PCDH9: variants seen among roughly 807,000 people sequenced by gnomAD.
PCDH9 encodes the protein protocadherin-9.
PCDH9 carries 24 observed loss-of-function variants against 70.6 expected under a neutral mutation model. The ratio of observed to expected loss-of-function variants is 0.34; its 90% CI spans 0.25 to 0.48. The LOEUF is 0.48. Ranked by LOEUF, PCDH9 falls within the 20% of genes least tolerant of loss-of-function variation. The pLI is 0.99. For synonymous variants in PCDH9, 562 were observed against 558.5 expected (o/e 1.01, Z -0.09); for missense variants, 1,281 against 1,503.6 (o/e 0.85, Z 2.45).
intron 2 of PCDH9, among the ~76,000 whole-genome samples, chr13:66,929,907 G>A (rs1019337447): frequency 6.6e-6 from 1 of 152,084 alleles, no homozygotes; most frequent in Non-Finnish European, 1.5e-5. Context: ...GCTCTTCCAA[G>A]CTCTCCAGTG....
At chr13:67,100,408 A>C (rs1479648673) in intron 2 of PCDH9, among the ~76,000 whole-genome samples, 1 of 152,210 alleles carries the variant, frequency 6.6e-6, no homozygotes, top group African/African-American at 2.4e-5. Context: ...CAAACCCTTA[A>C]ACATATGTGT....
chr13:66,923,527 T>C (rs914212292), intron 2 of PCDH9, among the ~76,000 whole-genome samples: 1 of 151,730 alleles, frequency 6.6e-6, no homozygotes, highest in African/African-American at 2.4e-5. Flanking sequence ...TCTATCATCA[T>C]AGGTAACATT....
At chr13:66,937,080 C>T (rs1319209048) in intron 2 of PCDH9, among the ~76,000 whole-genome samples, 2 of 152,132 alleles carry the variant, frequency 1.3e-5, no homozygotes, top group Non-Finnish European at 2.9e-5. Flanking sequence ...TATAATTTTC[C>T]AGTTTTATTA....
chr13:66,606,059 C>G (rs559278412), intron 4 of PCDH9, among the ~76,000 whole-genome samples: 1 of 152,180 alleles, frequency 6.6e-6, no homozygotes, highest in East Asian at 1.9e-4. Context: ...TTGCAGGCAG[C>G]TCTTTTAGCT....
chr13:66,803,496 C>A (rs953633639), intron 3 of PCDH9, among the ~76,000 whole-genome samples: 16 of 152,142 alleles, frequency 1.1e-4, no homozygotes, highest in Non-Finnish European at 1.9e-4. Context: ...CCAGTAGAGA[C>A]CACCTAACTC....
intron 4 of PCDH9, among the ~76,000 whole-genome samples, chr13:66,568,977 T>C (rs2076693252): frequency 6.7e-6 from 1 of 149,728 alleles, no homozygotes; most frequent in Non-Finnish European, 1.5e-5. Flanking sequence ...ATTAACCTTC[T>C]GTTCTTGGAA....
intron 2 of PCDH9, among the ~76,000 whole-genome samples, chr13:66,905,857 C>G (rs2082351515): frequency 6.6e-6 from 1 of 152,144 alleles, no homozygotes. Flanking sequence ...GTGCCATTTG[C>G]TGAAGGATTT....
At chr13:66,915,779 C>T (rs1214219306) in intron 2 of PCDH9, among the ~76,000 whole-genome samples, 1 of 151,656 alleles carries the variant, frequency 6.6e-6, no homozygotes, top group Non-Finnish European at 1.5e-5. Flanking sequence ...AAATATGATT[C>T]ATCCTCTTGA....
At chr13:66,980,078 CTCTATCTA>C (rs34374674) in intron 2 of PCDH9, among the ~76,000 whole-genome samples, 9,499 of 147,040 alleles carry the variant, frequency 0.065, 486 homozygotes, top group African/African-American at 0.14. Context: ...AATTATCCAT[CTCTATCTA>C]TCTATCTATC....
At chr13:66,445,578 T>C (rs906171380) in intron 4 of PCDH9, among the ~76,000 whole-genome samples, 6 of 143,636 alleles carry the variant, frequency 4.2e-5, no homozygotes, top group African/African-American at 7.7e-5. Context: ...GTATATATTA[T>C]ATATACACAT....
At chr13:66,391,220 A>C (rs778809365) in intron 4 of PCDH9, among the ~76,000 whole-genome samples, 1 of 152,212 alleles carries the variant, frequency 6.6e-6, no homozygotes, top group Admixed American at 6.5e-5. Context: ...CCACAATTTC[A>C]AGAGAATTGT....
chr13:66,540,900 A>G (rs563440482), intron 4 of PCDH9, among the ~76,000 whole-genome samples: 48 of 152,276 alleles, frequency 3.2e-4, no homozygotes, highest in Non-Finnish European at 6.2e-4. Context: ...TGAGCAACAC[A>G]CCTTGAAGGG....
chr13:66,305,676 A>T (rs978431213), intron 4 of PCDH9, among the ~76,000 whole-genome samples: 1 of 152,100 alleles, frequency 6.6e-6, no homozygotes, highest in Admixed American at 6.6e-5. Flanking sequence ...GGTCAGCTGC[A>T]AACATTCTGA....
At chr13:66,657,615 C>A (rs2077950189) in intron 3 of PCDH9, among the ~76,000 whole-genome samples, 1 of 152,172 alleles carries the variant, frequency 6.6e-6, no homozygotes, top group African/African-American at 2.4e-5. Flanking sequence ...TGAAGCGATT[C>A]TTTGGAATCC....
intron 2 of PCDH9, among the ~76,000 whole-genome samples, chr13:67,135,353 G>A (rs753150040): frequency 1.3e-5 from 2 of 152,002 alleles, no homozygotes; most frequent in Non-Finnish European, 2.9e-5. Flanking sequence ...TCAAAGCCTA[G>A]CTTGGAAAAG....
rs146942818 is a variant in PCDH9 at position 66,352,251 on chromosome 13, C to T, written c.3341-47223G>A. ...AACCACAAATTAATAAACATTCCAA[C>T]CAAAGATACCTCTTTTGTTCCCTTC... On this transcript the variant is annotated intron_variant, in intron 4 of 4. Coordinates refer to ENST00000377865, the MANE Select transcript of PCDH9 (RefSeq NM_203487.3). 5.0e-3 allele frequency among the ~76,000 whole-genome samples: 760 copies of T among 152,320 alleles called. 22 individuals are homozygous for T. In the East Asian group the frequency reaches 0.074, roughly 15 times the overall value.
chr13:66,765,145 C>T (rs1446621475), intron 3 of PCDH9, among the ~76,000 whole-genome samples: 1 of 151,654 alleles, frequency 6.6e-6, no homozygotes, highest in Admixed American at 6.6e-5. Flanking sequence ...CTCTCCCTCC[C>T]TCTCTTTTTT....
At chr13:66,770,269 C>T (rs961497374) in intron 3 of PCDH9, among the ~76,000 whole-genome samples, 4 of 152,118 alleles carry the variant, frequency 2.6e-5, no homozygotes, top group African/African-American at 7.2e-5. Flanking sequence ...GTGTACACTA[C>T]TCTGGTGACA....
At chr13:66,557,959 T>A (rs1425386785) in intron 4 of PCDH9, among the ~76,000 whole-genome samples, 1 of 152,038 alleles carries the variant, frequency 6.6e-6, no homozygotes, top group South Asian at 2.1e-4. Context: ...TGGAGACCAG[T>A]GTGGGCAACA....
Sources: gnomAD v4.1 joint callset for allele counts (sites outside exome capture counted in the v4.1 genomes callset) on GRCh38, gnomAD v4.1.1 for gene constraint, MANE v1.5 for transcripts, NCBI Gene and HGNC (gene_info 2026-07-23, HGNC 2026-07-21) for gene names.